The following TCEA1 variants were observed in gnomAD, a reference collection of about 807,000 sequenced individuals.
The protein encoded by TCEA1 is transcription elongation factor A protein 1.
A neutral mutation model predicts 43.8 loss-of-function variants in TCEA1; 21 were observed. That is an observed-to-expected ratio of 0.48 (90% CI 0.34 to 0.69). The LOEUF (loss-of-function observed/expected upper bound fraction) is 0.69. TCEA1 is among the 30% of genes least tolerant of loss of function. The probability of loss-of-function intolerance (pLI) is 0.01; values close to 1 mark genes in which losing one functional copy is unlikely to be tolerated. For synonymous variants in TCEA1, 104 were observed against 117.5 expected (o/e 0.88, Z 0.75); for missense variants, 250 against 365.1 (o/e 0.68, Z 2.57).
At chr8:53,968,387 T>A (rs556765038) in intron 9 of TCEA1, among the ~76,000 whole-genome samples, 5 of 149,096 alleles carry the variant, frequency 3.4e-5, no homozygotes, top group African/African-American at 5.0e-5. Context: ...AAAAAAAAAA[T>A]AACAATTCCA....
At chr8:54,013,268 T>A (rs1374914404) in intron 1 of TCEA1, among the ~76,000 whole-genome samples, 1 of 152,220 alleles carries the variant, frequency 6.6e-6, no homozygotes, top group Admixed American at 6.5e-5. Flanking sequence ...ATGGTTGGAA[T>A]AAAAAGCTAA....
At chr8:53,972,767 A>G (rs1803198007) in intron 8 of TCEA1, 2 of 714,394 alleles carry the variant, frequency 2.8e-6, no homozygotes, top group Non-Finnish European at 5.3e-6. Context: ...ACTATTATGC[A>G]GTAGTAGACT....
At chr8:53,970,629 C>T (rs754004817) in intron 8 of TCEA1, among the ~76,000 whole-genome samples, 166 bp from the exon 9 acceptor site, 1 of 152,068 alleles carries the variant, frequency 6.6e-6, no homozygotes, top group Non-Finnish European at 1.5e-5. Context: ...CAACAGAGCA[C>T]GCACTTCCAA....
chr8:54,021,762 A>G (rs560372949), intron 1 of TCEA1: 8 of 288,742 alleles, frequency 2.8e-5, no homozygotes, highest in Non-Finnish European at 5.1e-5. Context: ...CCAAGGTTTT[A>G]CTAGCACGAA....
chr8:53,970,337 A>C, intron 9 of TCEA1, 55 bp downstream of exon 9: 1 of 1,220,170 alleles, frequency 8.2e-7, no homozygotes, highest in Non-Finnish European at 1.2e-6. Context: ...AAAAGACCAG[A>C]AGAAATCTTT....
At chr8:53,985,309 G>A (rs111897422) in intron 6 of TCEA1, among the ~76,000 whole-genome samples, 1 of 152,286 alleles carries the variant, frequency 6.6e-6, no homozygotes, top group South Asian at 2.1e-4. Context: ...GAGCCACCGC[G>A]CCCGGCCTAG....
chr8:53,977,798 C>T (rs1437416945), intron 8 of TCEA1, among the ~76,000 whole-genome samples: 4 of 152,120 alleles, frequency 2.6e-5, no homozygotes, highest in Non-Finnish European at 5.9e-5. Flanking sequence ...TCATATCGTA[C>T]ATAAATGTAA....
intron 2 of TCEA1, among the ~76,000 whole-genome samples, chr8:54,005,316 T>C (rs1804405222): frequency 6.6e-6 from 1 of 152,210 alleles, no homozygotes; most frequent in Admixed American, 6.5e-5. Flanking sequence ...AATAGCCTCA[T>C]GTAGTTAAGC....
rs971717140 is a variant in TCEA1 at position 53,967,354 on chromosome 8, A to G, written c.*750T>C. 3.5e-5 allele frequency: 7 copies of G among 199,528 alleles called. No homozygotes were observed. Among genetic ancestry groups the G allele is most frequent in the Non-Finnish European group, 6.2e-5 (6 of 96,644 alleles). The allele number at this position is 199,528 out of a possible 1,614,324, so 12.4% of individuals were successfully genotyped here. A position where few individuals can be genotyped will look rare whatever the true frequency, so the allele number is the denominator to read the frequency against. ...TGAGGGGATTTATGAAAAGCCTTCT[A>G]AACTACAACAGTGTTCTTCTGCAAA... On this transcript the variant is annotated 3_prime_UTR_variant, in exon 10 of 10. Coordinates refer to ENST00000521604, the MANE Select transcript of TCEA1 (RefSeq NM_006756.4).
chr8:53,976,188 A>C (rs1047819651), intron 8 of TCEA1, among the ~76,000 whole-genome samples: 1 of 152,224 alleles, frequency 6.6e-6, no homozygotes, highest in African/African-American at 2.4e-5. Flanking sequence ...ATAAAATACC[A>C]GTTTATCACC....
chr8:53,990,695 T>C (rs924322768), intron 4 of TCEA1, among the ~76,000 whole-genome samples: 3 of 152,178 alleles, frequency 2.0e-5, no homozygotes, highest in South Asian at 2.1e-4. Flanking sequence ...TTTGATTAAA[T>C]GCTTTTGCTT....
At chr8:54,010,855 G>C (rs1205331379) in intron 1 of TCEA1, among the ~76,000 whole-genome samples, 1 of 151,924 alleles carries the variant, frequency 6.6e-6, no homozygotes, top group Non-Finnish European at 1.5e-5. Context: ...CTGTTGCCCA[G>C]GTTGGAGTGC....
chr8:54,014,709 G>A (rs1031506463), intron 1 of TCEA1, among the ~76,000 whole-genome samples: 5 of 152,170 alleles, frequency 3.3e-5, no homozygotes, highest in South Asian at 2.1e-4. Flanking sequence ...TGTAGGATAC[G>A]AACATCCCTC....
At chr8:54,011,324 A>T (rs1440355001) in intron 1 of TCEA1, among the ~76,000 whole-genome samples, 1 of 152,198 alleles carries the variant, frequency 6.6e-6, no homozygotes, top group African/African-American at 2.4e-5. Context: ...CATTTCATAG[A>T]AGAATCCACA....
intron 9 of TCEA1, among the ~76,000 whole-genome samples, chr8:53,969,811 C>T (rs181905374): frequency 6.6e-6 from 1 of 152,244 alleles, no homozygotes; most frequent in Non-Finnish European, 1.5e-5. Flanking sequence ...TGTATTTCTG[C>T]TCCCAAATTT....
intron 2 of TCEA1, among the ~76,000 whole-genome samples, chr8:54,002,655 A>G (rs2129309614): frequency 6.6e-6 from 1 of 152,174 alleles, no homozygotes; most frequent in Non-Finnish European, 1.5e-5. Context: ...TGAATTCCCT[A>G]GAGATTTTTC....
rs144640761 is a variant in TCEA1 at position 53,973,013 on chromosome 8, G to C, written c.826-2550C>G. The C allele has an allele frequency of 4.5e-6, 3 of 671,962 alleles. No homozygotes were observed. The African/African-American group carries it at 5.3e-5, about 12-fold the overall frequency. 41.6% of individuals were successfully genotyped at this position (671,962 alleles called of 1,614,324 possible). A position where few individuals can be genotyped will look rare whatever the true frequency, so the allele number is the denominator to read the frequency against. The stretch of plus-strand genomic sequence containing the variant: ...ACTTGGGATGAGACTGAACATGAAA[G>C]AATTACAACACTCAACAGGAAGCTT... On this transcript the variant is annotated intron_variant, in intron 8 of 9. Coordinates refer to ENST00000521604, the MANE Select transcript of TCEA1 (RefSeq NM_006756.4).
In TCEA1 at chr8:54,008,315, CAATT is replaced by C. The variant is rs1236466341; in HGVS notation, c.126+2111_126+2114del. ...ATTAACAATAAATAAGGAAGTCAAACAATTCAACAACAACAACAACAACAACAAC... is the reference window on the plus strand; with the variant it reads ...ATTAACAATAAATAAGGAAGTCAAACCAACAACAACAACAACAACAACAAC... On this transcript the variant is annotated intron_variant, in intron 2 of 9. Coordinates refer to ENST00000521604, the MANE Select transcript of TCEA1 (RefSeq NM_006756.4). Among the ~76,000 whole-genome samples, 33 of 149,634 alleles carry C rather than the reference CAATT, an allele frequency of 2.2e-4. No homozygotes were observed. The Middle Eastern group carries it at 0.011, about 48-fold the overall frequency.
chr8:54,002,483 A>G (rs565993728), intron 2 of TCEA1, among the ~76,000 whole-genome samples: 50 of 152,224 alleles, frequency 3.3e-4, no homozygotes, highest in Middle Eastern at 3.4e-3. Flanking sequence ...AAAAAAAGAA[A>G]AAAAAGAAAT....
Sources: gnomAD v4.1 joint callset for allele counts (sites outside exome capture counted in the v4.1 genomes callset) on GRCh38, gnomAD v4.1.1 for gene constraint, MANE v1.5 for transcripts, NCBI Gene and HGNC (gene_info 2026-07-23, HGNC 2026-07-21) for gene names.